The following ESRRB variants were observed in gnomAD, a reference collection of about 807,000 sequenced individuals.
ESRRB encodes estrogen related receptor beta, also known as steroid hormone receptor ERR2.
Under a neutral mutation model 46.0 loss-of-function variants are expected in ESRRB, and 16 were observed. The ratio of observed to expected loss-of-function variants is 0.35; its 90% confidence interval spans 0.24 to 0.53. The LOEUF is 0.53. Ranked by LOEUF, ESRRB falls within the 20% of genes least tolerant of loss-of-function variation. ESRRB has a pLI of 0.93. For missense variants in ESRRB, 488 were observed against 607.4 expected, an observed-to-expected ratio of 0.80 and a Z score of 2.07; for synonymous variants, 246 against 259.6, an observed-to-expected ratio of 0.95 and a Z score of 0.50.
intron 3 of ESRRB, chr14:76,463,445 GT>G (rs1313130923): frequency 0.032 from 3,628 of 114,676 alleles, 91 homozygotes; most frequent in East Asian, 0.14. Context: ...ATGCTTCTTT[GT>G]TTTTTTTTTT....
intron 1 of ESRRB, 126 bp from the exon 2 acceptor site, chr14:76,439,215 A>G (rs1887803837): frequency 9.2e-7 from 1 of 1,091,212 alleles, no homozygotes; most frequent in African/African-American, 1.5e-5. Context: ...GACCTTCTCC[A>G]CCGTTGTTTT....
At chr14:76,413,999 A>C (rs563764476) in intron 1 of ESRRB, among the ~76,000 whole-genome samples, 1 of 34,868 alleles carries the variant, frequency 2.9e-5, no homozygotes, top group Non-Finnish European at 5.3e-5. Flanking sequence ...CCGCCCCTGC[A>C]CCGTCCGCCG....
At position 76,482,133 on chromosome 14, in the gene ESRRB, G is replaced by A. The variant is rs1408430266; in HGVS notation, c.688+7G>A. ...CCACCTGCTAAAAAGCCATGTGAGT[G>A]TCAGGGCAGTCCCTGCCCCTTTTGC... is the stretch of plus-strand genomic sequence containing the variant. On this transcript the variant is annotated splice_region_variant and intron_variant, in intron 4 of 6. Coordinates refer to ENST00000644823, the MANE Select transcript of ESRRB (RefSeq NM_001379180.1). The surrounding 1 kb of genome is among the most constrained non-coding windows in gnomAD (Gnocchi z 4.3). 1 of 1,604,468 alleles carries A rather than the reference G, an allele frequency of 6.2e-7. No individual in the cohort carries two copies. Among genetic ancestry groups the A allele is most frequent in the Admixed American group, 1.7e-5 (1 of 60,014 alleles).
rs546861654 is a variant in ESRRB, at chr14:76,416,225, C to G, written c.51-23116C>G. On this transcript the variant is annotated intron_variant, in intron 1 of 6. Coordinates refer to ENST00000644823, the MANE Select transcript of ESRRB (RefSeq NM_001379180.1). ...ATCATAGCTCACTGCAACCTCTTGG[C>G]TCCTGGGATCAAGGGATCCTCCTGC... Among the ~76,000 whole-genome samples the G allele has an allele frequency of 4.7e-5, 7 of 148,038 alleles. No homozygotes were observed. In the East Asian group the frequency reaches 1.4e-3, roughly 30 times the overall value.
chr14:76,439,616 C>G lies in ESRRB; in HGVS notation c.326C>G (p.Ala109Gly), dbSNP rs1309846610. Reference sequence around the variant, plus strand: ...GCCAGCGGCATCATGGAGGACTCGGCCATCAAGTGCGAGTACATGCTCAAC... The same window carrying G: ...GCCAGCGGCATCATGGAGGACTCGGGCATCAAGTGCGAGTACATGCTCAAC... ...DCASGIMEDSAIKCEYMLNAI... is the reference protein window; with the variant it reads ...DCASGIMEDSGIKCEYMLNAI... Residue 109 changes from alanine to glycine, a missense_variant, in exon 2 of 7, where the codon GCC (alanine) becomes GGC (glycine). Ala to Gly is a moderately conservative substitution (Grantham distance 60). Coordinates refer to ENST00000644823, the MANE Select transcript of ESRRB (RefSeq NM_001379180.1). 1 of 1,614,248 alleles carries G rather than the reference C, an allele frequency of 6.2e-7. No individual in the cohort carries two copies. Among genetic ancestry groups the G allele is most frequent in the African/African-American group, 1.3e-5 (1 of 75,086 alleles).
rs373154127 is a variant in ESRRB, at chr14:76,500,315, G to A, written c.*1857G>A. ...CGGCTCCCCTTGCCTGTGGGGAATC[G>A]GGTCTGAGTCACTTGATGAGTAGGC... is the stretch of plus-strand genomic sequence containing the variant. On this transcript the variant is annotated 3_prime_UTR_variant, in exon 7 of 7. Transcript: ENST00000644823. The A allele has an allele frequency of 3.9e-5, 23 of 589,702 alleles. No homozygotes were observed. Among genetic ancestry groups the A allele is most frequent in the East Asian group, 3.6e-4 (13 of 35,682 alleles). The allele number at this position is 589,702 out of a possible 1,614,324, so 36.5% of individuals were successfully genotyped here.
At chr14:76,349,171 G>A (rs1884285164) in intron 1 of ESRRB, among the ~76,000 whole-genome samples, 2 of 152,202 alleles carry the variant, frequency 1.3e-5, no homozygotes, top group Non-Finnish European at 2.9e-5. Flanking sequence ...AAAGCAGCGA[G>A]GGCTGGCGGG....
intron 1 of ESRRB, among the ~76,000 whole-genome samples, chr14:76,411,700 G>A (rs552810343): frequency 1.3e-5 from 2 of 152,210 alleles, no homozygotes; most frequent in Admixed American, 1.3e-4. Flanking sequence ...TATCAACCTC[G>A]GAGGGTTCTT....
Position 76,499,676 on chromosome 14 carries a change from G to A in ESRRB, c.*1218G>A. On this transcript the variant is annotated 3_prime_UTR_variant, in exon 7 of 7. Transcript: ENST00000644823. ...CGCGAGCACGCCAGCTCTCTGGCAGGACCCCTGCAGTCCCCCTGGCTGTGC... is the reference window on the plus strand; with the variant it reads ...CGCGAGCACGCCAGCTCTCTGGCAGAACCCCTGCAGTCCCCCTGGCTGTGC... 3.0e-6 allele frequency: 2 copies of A among 665,210 alleles called. No homozygotes were observed. Among genetic ancestry groups the A allele is most frequent in the Non-Finnish European group, 5.4e-6 (2 of 367,898 alleles). 41.2% of individuals were successfully genotyped at this position (665,210 alleles called of 1,614,324 possible). A position where few individuals can be genotyped will look rare whatever the true frequency, so the allele number is the denominator to read the frequency against.
At chr14:76,405,266 C>T (rs1886130854) in intron 1 of ESRRB, among the ~76,000 whole-genome samples, 1 of 152,008 alleles carries the variant, frequency 6.6e-6, no homozygotes, top group African/African-American at 2.4e-5. Context: ...TGCACCACTA[C>T]CACTACACCC....
Position 76,482,153 on chromosome 14 carries a change from T to C in ESRRB, c.688+27T>C. The C allele has an allele frequency of 1.3e-6, 2 of 1,515,422 alleles. No homozygotes were observed. Among genetic ancestry groups the C allele is most frequent in the Non-Finnish European group, 1.8e-6 (2 of 1,090,302 alleles). The allele number at this position is 1,515,422 out of a possible 1,614,324, so 93.9% of individuals were successfully genotyped here. The stretch of plus-strand genomic sequence containing the variant: ...TGAGTGTCAGGGCAGTCCCTGCCCC[T>C]TTTGCCAGCATCTGTACCTGGAACA... On this transcript the variant is annotated intron_variant, in intron 4 of 6. Transcript: ENST00000644823. This position sits in a 1 kb window ranked among gnomAD's most constrained non-coding sequence, Gnocchi z 4.3.
At chr14:76,388,783 C>T (rs1351283851) in intron 1 of ESRRB, among the ~76,000 whole-genome samples, 1 of 152,178 alleles carries the variant, frequency 6.6e-6, no homozygotes, top group Non-Finnish European at 1.5e-5. Flanking sequence ...CCCCTCCATG[C>T]CTCTCCTAGA....
At chr14:76,478,768 T>C (rs1433666435) in intron 3 of ESRRB, among the ~76,000 whole-genome samples, 1 of 152,062 alleles carries the variant, frequency 6.6e-6, no homozygotes, top group East Asian at 1.9e-4. Flanking sequence ...TATGTAGACA[T>C]GTCACAGGAT....
chr14:76,389,488 G>A (rs1885379571), intron 1 of ESRRB, among the ~76,000 whole-genome samples: 1 of 152,232 alleles, frequency 6.6e-6, no homozygotes, highest in South Asian at 2.1e-4. Flanking sequence ...GGGGAAAAGA[G>A]GCAGAAAGAA....
chr14:76,389,312 G>A (rs538800267), intron 1 of ESRRB, among the ~76,000 whole-genome samples: 10 of 152,242 alleles, frequency 6.6e-5, no homozygotes, highest in Middle Eastern at 3.4e-3. Flanking sequence ...GCCCCTGACT[G>A]GTTTACAATC....
At chr14:76,491,305 A>G (rs1395603670) in intron 5 of ESRRB, 142 bp from the exon 6 acceptor site, 18 of 754,710 alleles carry the variant, frequency 2.4e-5, no homozygotes, top group Non-Finnish European at 3.5e-5. Flanking sequence ...ACACAGGGAA[A>G]GCCTGGGGGC....
At chr14:76,406,416 T>C (rs143672169) in intron 1 of ESRRB, among the ~76,000 whole-genome samples, 1 of 152,230 alleles carries the variant, frequency 6.6e-6, no homozygotes, top group Admixed American at 6.5e-5. Flanking sequence ...CCTTCCTCTC[T>C]TCATTAAAGA....
intron 1 of ESRRB, among the ~76,000 whole-genome samples, chr14:76,399,142 T>A (rs1885828013): frequency 6.6e-6 from 1 of 152,070 alleles, no homozygotes; most frequent in Non-Finnish European, 1.5e-5. Context: ...GAGGGAAGGT[T>A]CCTGTGGCTG....
intron 1 of ESRRB, among the ~76,000 whole-genome samples, chr14:76,394,087 C>T (rs1369250652): frequency 6.6e-6 from 1 of 151,636 alleles, no homozygotes; most frequent in African/African-American, 2.4e-5. Context: ...AGGCGTGAGC[C>T]ACCGTGCCCA....
Sources: allele counts gnomAD v4.1 joint callset (sites outside exome capture counted in the v4.1 genomes callset), GRCh38; gene constraint gnomAD v4.1.1; non-coding constraint Gnocchi (gnomAD v3.1); transcripts MANE v1.5; gene names NCBI Gene and HGNC (gene_info 2026-07-23, HGNC 2026-07-21).